APBA2: variants seen among roughly 807,000 people sequenced by gnomAD.
APBA2 encodes the protein amyloid beta precursor protein binding family A member 2.
APBA2 carries 30 observed loss-of-function variants against 75.0 expected under a neutral mutation model. The ratio of observed to expected loss-of-function variants is 0.40; its 90% CI spans 0.30 to 0.54. The LOEUF (loss-of-function observed/expected upper bound fraction) is 0.54, where lower values mean the gene tolerates loss of function less well. Among genes scored for constraint, APBA2 ranks in the 20% least tolerant of loss-of-function variants. The probability of loss-of-function intolerance (pLI) is 0.49; values close to 1 mark genes in which losing one functional copy is unlikely to be tolerated. For missense variants in APBA2, 801 were observed against 1,016.1 expected (o/e 0.79, Z 2.88); for synonymous variants, 444 against 409.6 (o/e 1.08, Z -1.01).
intron 8 of APBA2, among the ~76,000 whole-genome samples, chr15:29,096,792 A>G (rs1197004641): frequency 6.6e-6 from 1 of 152,264 alleles, no homozygotes; most frequent in Non-Finnish European, 1.5e-5. Flanking sequence ...GAAATGGAAA[A>G]TAGACCACCC....
Position 29,057,908 on chromosome 15 carries a change from C to T in APBA2, c.951+3073C>T, listed in dbSNP as rs1447049508. 2.6e-5 allele frequency among the ~76,000 whole-genome samples: 4 copies of T among 152,164 alleles called. No homozygotes were observed. The East Asian group carries it at 7.7e-4, about 29-fold the overall frequency. ...CTCGATGACCTTGCCTAATTGTTTCCCTTCTTCTGTGGATGTTGGATGCAT... is the reference window on the plus strand; with the variant it reads ...CTCGATGACCTTGCCTAATTGTTTCTCTTCTTCTGTGGATGTTGGATGCAT... On this transcript the variant is annotated intron_variant, in intron 4 of 14. Coordinates refer to ENST00000683413, the MANE Select transcript of APBA2 (RefSeq NM_001353788.2).
chr15:28,888,061 A>G (rs1049659900), intron 1 of APBA2, among the ~76,000 whole-genome samples: 4 of 152,082 alleles, frequency 2.6e-5, no homozygotes, highest in Non-Finnish European at 5.9e-5. Context: ...TCCACCTTGC[A>G]TGTTTTCTCT....
chr15:28,927,919 G>A lies in APBA2; in HGVS notation c.-95+6170G>A, dbSNP rs147682626. On this transcript the variant is annotated intron_variant, in intron 2 of 14. Coordinates refer to ENST00000683413, the MANE Select transcript of APBA2 (RefSeq NM_001353788.2). ...AGCACTTTGGGAGGCCGAGGCGGGC[G>A]GATCACCTGAGGTCGGGTGTTTGAG... Among the ~76,000 whole-genome samples, 726 of 151,198 alleles carry A rather than the reference G, an allele frequency of 4.8e-3. 3 individuals carry two copies. The highest frequency in any genetic ancestry group is 0.016 in the African/African-American group (644 of 41,366).
At chr15:28,969,128 T>TTTCC (rs1595597095) in intron 2 of APBA2, among the ~76,000 whole-genome samples, 2 of 137,026 alleles carry the variant, frequency 1.5e-5, no homozygotes, top group Non-Finnish European at 3.2e-5. Flanking sequence ...TTTCATTTCT[T>TTTCC]TTTCTTTCTT....
chr15:29,006,566 C>T (rs917317236), intron 3 of APBA2, among the ~76,000 whole-genome samples: 1 of 152,200 alleles, frequency 6.6e-6, no homozygotes, highest in Non-Finnish European at 1.5e-5. Flanking sequence ...ACTCACAGTT[C>T]CACATGGCTG....
At chr15:29,098,219 A>G (rs2043944290) in intron 8 of APBA2, among the ~76,000 whole-genome samples, 1 of 151,520 alleles carries the variant, frequency 6.6e-6, no homozygotes, top group South Asian at 2.1e-4. Context: ...TTTTGGAGGA[A>G]CCGCCATTCT....
chr15:29,094,214 T>C (rs545550847), intron 7 of APBA2, 64 bp from the exon 8 acceptor site: 3 of 1,577,556 alleles, frequency 1.9e-6, no homozygotes, highest in Non-Finnish European at 1.7e-6. Context: ...CAAAGTGACA[T>C]AACCTCACGC....
intron 2 of APBA2, among the ~76,000 whole-genome samples, chr15:28,943,388 G>A (rs1480454373): frequency 3.3e-5 from 5 of 152,162 alleles, no homozygotes; most frequent in Admixed American, 6.5e-5. Flanking sequence ...GCTATTTGAC[G>A]AGCAGGACCT....
intron 4 of APBA2, among the ~76,000 whole-genome samples, chr15:29,068,870 C>A (rs535142832): frequency 6.3e-4 from 96 of 152,226 alleles, no homozygotes; most frequent in African/African-American, 2.3e-3. Context: ...TGTAGTAATA[C>A]ACACGTAACA....
intron 6 of APBA2, among the ~76,000 whole-genome samples, chr15:29,077,505 T>A (rs2042902581): frequency 6.6e-6 from 1 of 152,202 alleles, no homozygotes; most frequent in African/African-American, 2.4e-5. Flanking sequence ...CAATCTCATA[T>A]CTGCAGGGAG....
chr15:29,077,093 G>A (rs550447823), intron 6 of APBA2, among the ~76,000 whole-genome samples: 6 of 152,290 alleles, frequency 3.9e-5, no homozygotes, highest in African/African-American at 9.6e-5. Context: ...AGATAGACTT[G>A]GTTCCATTTT....
At chr15:28,896,204 T>C (rs1226436845) in intron 1 of APBA2, among the ~76,000 whole-genome samples, 3 of 152,200 alleles carry the variant, frequency 2.0e-5, no homozygotes, top group African/African-American at 7.2e-5. Context: ...TCTGTCATCT[T>C]GATGGTTTTA....
At chr15:28,976,578 G>A (rs962937286) in intron 2 of APBA2, among the ~76,000 whole-genome samples, 3 of 152,116 alleles carry the variant, frequency 2.0e-5, no homozygotes, top group African/African-American at 7.2e-5. Flanking sequence ...TGGTTTTTGG[G>A]CATCAATTGA....
chr15:28,944,508 T>C (rs1035439702), intron 2 of APBA2, among the ~76,000 whole-genome samples: 1 of 152,220 alleles, frequency 6.6e-6, no homozygotes, highest in African/African-American at 2.4e-5. Context: ...TGGACCACCC[T>C]GCGGACTCGC....
Position 29,101,660 on chromosome 15 carries a change from T to C in APBA2, c.1400T>C (p.Val467Ala). ...ISYIADIGNI[V>A]VLMARRRMPR... ...TACATCGCCGACATTGGGAACATTGTAGTGCTGATGGCCAGACGCCGCATG... is the reference window on the plus strand; with the variant it reads ...TACATCGCCGACATTGGGAACATTGCAGTGCTGATGGCCAGACGCCGCATG... Residue 467 changes from valine (V) to alanine (A), a missense_variant, in exon 10 of 15, where the codon GTA becomes GCA. Val to Ala is a moderately conservative substitution (Grantham distance 64). This residue lies in a region of APBA2 where 367 missense variants were observed against 544.5 expected (regional missense o/e 0.67). Coordinates refer to ENST00000683413, the MANE Select transcript of APBA2 (RefSeq NM_001353788.2). 1 of 1,613,762 alleles carries C rather than the reference T, an allele frequency of 6.2e-7. No homozygotes were observed.
intron 3 of APBA2, among the ~76,000 whole-genome samples, chr15:29,038,593 G>A (rs555607610): frequency 9.9e-5 from 15 of 151,656 alleles, no homozygotes; most frequent in African/African-American, 3.4e-4. Context: ...CAGAAGCCCA[G>A]ACTCTGTCTG....
intron 3 of APBA2, among the ~76,000 whole-genome samples, chr15:29,042,878 G>T (rs931134636): frequency 6.6e-6 from 1 of 151,990 alleles, no homozygotes; most frequent in Non-Finnish European, 1.5e-5. Flanking sequence ...CAGAAGCTGC[G>T]CCCCTTTCTC....
At chr15:28,914,166 C>G (rs971573886) in intron 1 of APBA2, among the ~76,000 whole-genome samples, 2 of 152,150 alleles carry the variant, frequency 1.3e-5, no homozygotes, top group African/African-American at 4.8e-5. Context: ...CTTGCACTTT[C>G]CATTGGTGCT....
intron 2 of APBA2, among the ~76,000 whole-genome samples, chr15:28,927,997 A>G (rs894174889): frequency 6.0e-5 from 9 of 150,552 alleles, no homozygotes; most frequent in African/African-American, 2.2e-4. Flanking sequence ...ATACAAAATT[A>G]GCCAGGCGTG....
Sources: allele counts gnomAD v4.1 joint callset (sites outside exome capture counted in the v4.1 genomes callset), GRCh38; gene constraint gnomAD v4.1.1; regional missense constraint gnomAD v4.1.1; transcripts MANE v1.5; gene names NCBI Gene and HGNC (gene_info 2026-07-23, HGNC 2026-07-21).